The following UGT2A1 variants were observed in gnomAD, a reference collection of about 807,000 sequenced individuals.
UGT2A1 encodes the protein UDP glucuronosyltransferase family 2 member A1 complex locus, also known as UDP-glucuronosyltransferase 2A1.
In UGT2A1, 61 loss-of-function variants were observed where a neutral mutation model predicts 45.4. That is an observed-to-expected ratio of 1.34 (90% CI 1.09 to 1.66). The LOEUF (loss-of-function observed/expected upper bound fraction) is 1.66, where lower values mean the gene tolerates loss of function less well. Ranked by LOEUF, UGT2A1 falls within the 40% of genes most tolerant of loss-of-function variation. The pLI is 0.00. For missense variants in UGT2A1, 649 were observed against 574.3 expected, an observed-to-expected ratio of 1.13 and a Z score of -1.33; for synonymous variants, 229 against 196.2, an observed-to-expected ratio of 1.17 and a Z score of -1.40.
intron 4 of UGT2A1, among the ~76,000 whole-genome samples, chr4:69,597,454 C>T (rs148540185): frequency 1.1e-3 from 169 of 152,166 alleles, no homozygotes; most frequent in African/African-American, 4.0e-3. Context: ...GAGATTAAGG[C>T]CTTTCACATC....
chr4:69,634,132 C>T (rs1721542664), intron 3 of UGT2A1, among the ~76,000 whole-genome samples: 1 of 151,994 alleles, frequency 6.6e-6, no homozygotes, highest in African/African-American at 2.4e-5. Flanking sequence ...GTAGTCCCAG[C>T]TACTCCGGAG....
chr4:69,623,153 C>T (rs957979487), intron 3 of UGT2A1, among the ~76,000 whole-genome samples: 3 of 151,820 alleles, frequency 2.0e-5, no homozygotes, highest in Non-Finnish European at 1.5e-5. Flanking sequence ...TTGGCACAAG[C>T]TAGTCCATCC....
intron 6 of UGT2A1, among the ~76,000 whole-genome samples, chr4:69,592,718 T>C (rs532126571): frequency 2.6e-5 from 4 of 151,816 alleles, no homozygotes; most frequent in Non-Finnish European, 5.9e-5. Context: ...GAGGAAAACA[T>C]ACCAAAATAC....
intron 3 of UGT2A1, among the ~76,000 whole-genome samples, chr4:69,605,524 G>T (rs1369671040): frequency 7.3e-6 from 1 of 136,172 alleles, no homozygotes; most frequent in East Asian, 2.1e-4. Flanking sequence ...AGAGAAGCAA[G>T]AGCATAACAC....
intron 3 of UGT2A1, among the ~76,000 whole-genome samples, chr4:69,626,182 C>T (rs1057446477): frequency 2.7e-5 from 4 of 150,668 alleles, no homozygotes; most frequent in Non-Finnish European, 5.9e-5. Flanking sequence ...AATATTTGGA[C>T]GCTTTGATCT....
intron 5 of UGT2A1, among the ~76,000 whole-genome samples, 167 bp from the exon 6 acceptor site, chr4:69,594,863 G>A (rs1195323742): frequency 2.6e-5 from 4 of 152,118 alleles, no homozygotes; most frequent in Non-Finnish European, 4.4e-5. Flanking sequence ...TGTGATCCCA[G>A]GAAAAGCAGT....
chr4:69,608,546 C>A, intron 3 of UGT2A1, among the ~76,000 whole-genome samples: 1 of 150,182 alleles, frequency 6.7e-6, no homozygotes, highest in East Asian at 1.9e-4. Flanking sequence ...TACATGTACC[C>A]TAAAACTTAA....
rs1220653086 is a variant in UGT2A1 at position 69,602,418 on chromosome 4, G to A, written c.848-3024C>T. The stretch of plus-strand genomic sequence containing the variant: ...TTTAATTCAACAATACTTTACTGCA[G>A]TTAAACAAGAAAAACAATTTTTAGA... On this transcript the variant is annotated intron_variant, in intron 3 of 6. Coordinates refer to ENST00000286604, the MANE Select transcript of UGT2A1 (RefSeq NM_001252275.3). 2.2e-5 allele frequency among the ~76,000 whole-genome samples: 3 copies of A among 133,334 alleles called. 1 individual carries two copies. Among genetic ancestry groups the A allele is most frequent in the Non-Finnish European group, 4.8e-5 (3 of 62,824 alleles). The allele number at this position is 133,334 out of a possible 152,430, so 87.5% of individuals were successfully genotyped here.
At chr4:69,598,936 A>ATAC (rs1251544959) in intron 4 of UGT2A1, among the ~76,000 whole-genome samples, 1 of 152,112 alleles carries the variant, frequency 6.6e-6, no homozygotes, top group African/African-American at 2.4e-5. Flanking sequence ...GCTTGGTAAG[A>ATAC]CTAGGGCAGT....
chr4:69,592,136 A>G lies in UGT2A1; in HGVS notation c.1304+2341T>C, dbSNP rs533887071. ...ATGCCTGGCAAAGGTCACTGAATAG[A>G]TGTTTTTAAGCAGGTTACTTCCGTT... On this transcript the variant is annotated intron_variant, in intron 6 of 6. Coordinates refer to ENST00000286604, the MANE Select transcript of UGT2A1 (RefSeq NM_001252275.3). Among the ~76,000 whole-genome samples the G allele has an allele frequency of 2.0e-5, 3 of 152,274 alleles. No homozygotes were observed. The South Asian group carries it at 6.2e-4, about 32-fold the overall frequency.
chr4:69,620,364 G>A (rs969099076), intron 3 of UGT2A1, among the ~76,000 whole-genome samples: 5 of 132,336 alleles, frequency 3.8e-5, no homozygotes, highest in Admixed American at 2.9e-4. Flanking sequence ...AAATCAGGAA[G>A]GCAATCCCAT....
intron 3 of UGT2A1, among the ~76,000 whole-genome samples, chr4:69,625,637 A>G (rs970054804): frequency 6.6e-6 from 1 of 151,146 alleles, no homozygotes; most frequent in African/African-American, 2.4e-5. Flanking sequence ...TTCTCATTAT[A>G]TGCTTACTTT....
intron 3 of UGT2A1, among the ~76,000 whole-genome samples, chr4:69,630,472 CTT>C (rs1179484412): frequency 6.6e-6 from 1 of 152,092 alleles, no homozygotes; most frequent in Non-Finnish European, 1.5e-5. Context: ...ATTCCCTCTC[CTT>C]TTAACCACCT....
intron 3 of UGT2A1, among the ~76,000 whole-genome samples, chr4:69,609,778 T>C (rs1719923055): frequency 6.6e-6 from 1 of 152,162 alleles, no homozygotes; most frequent in African/African-American, 2.4e-5. Context: ...AGGAGACACA[T>C]AGCAAATGTT....
At position 69,595,227 on chromosome 4, in the gene UGT2A1, T is replaced by C. The variant is rs1049718993; in HGVS notation, c.1019A>G (p.Lys340Arg). ...LPKVLWRYKG[K>R]KPATLGNNTQ... ...ATTGTTTCCTAATGTGGCTGGTTTC[T>C]TTCCTTTGTATCTCCATAAAACCTG... The change falls in exon 5 of 7, where the codon AAG (lysine) becomes AGG (arginine). Residue 340 changes from lysine to arginine, a missense_variant. Lys to Arg is a conservative substitution (Grantham distance 26, BLOSUM62 2). Transcript: ENST00000286604. 2 of 1,613,704 alleles carry C rather than the reference T, an allele frequency of 1.2e-6. No homozygotes were observed. Among genetic ancestry groups the C allele is most frequent in the African/African-American group, 2.7e-5 (2 of 74,898 alleles).
intron 1 of UGT2A1, among the ~76,000 whole-genome samples, chr4:69,650,533 G>A (rs1383506193): frequency 6.6e-6 from 1 of 151,650 alleles, no homozygotes; most frequent in African/African-American, 2.4e-5. Flanking sequence ...ACTTGAGTTT[G>A]AGAATATAAA....
intron 3 of UGT2A1, among the ~76,000 whole-genome samples, chr4:69,609,633 G>A (rs959510688): frequency 2.0e-5 from 3 of 152,124 alleles, no homozygotes; most frequent in African/African-American, 7.2e-5. Context: ...CTAGTATAAT[G>A]TCTCTGAGAT....
Position 69,649,649 on chromosome 4 carries a change from C to T in UGT2A1, c.-54-1951G>A, listed in dbSNP as rs1722432975. Among the ~76,000 whole-genome samples the T allele has an allele frequency of 2.0e-5, 3 of 152,026 alleles. No homozygotes were observed. The South Asian group carries it at 6.2e-4, about 32-fold the overall frequency. On this transcript the variant is annotated intron_variant, in intron 1 of 6. Transcript: ENST00000286604. ...GCACAGATAAACAGGCAAGGTCGAC[C>T]CTAAAACACCCTTGTCTTTTGTAAC...
chr4:69,605,649 A>G (rs1425023618), intron 3 of UGT2A1, among the ~76,000 whole-genome samples: 2 of 136,736 alleles, frequency 1.5e-5, no homozygotes, highest in Admixed American at 7.2e-5. Context: ...TTTTTTGAAA[A>G]GATCAACCAA....
Sources: gnomAD v4.1 joint callset for allele counts (sites outside exome capture counted in the v4.1 genomes callset) on GRCh38, gnomAD v4.1.1 for gene constraint, MANE v1.5 for transcripts, NCBI Gene and HGNC (gene_info 2026-07-23, HGNC 2026-07-21) for gene names.